The following EPHA6 variants were observed in gnomAD, a reference collection of about 807,000 sequenced individuals.
EPHA6 encodes EPH receptor A6, also known as ephrin type-A receptor 6.
In EPHA6, 50 loss-of-function variants were observed where a neutral mutation model predicts 112.0. The observed-to-expected ratio is 0.45, with a 90% CI of 0.36 to 0.56. The LOEUF (loss-of-function observed/expected upper bound fraction) is 0.56. Among genes scored for constraint, EPHA6 ranks in the 20% least tolerant of loss-of-function variants. The probability of loss-of-function intolerance (pLI) is 0.00; values close to 1 mark genes in which losing one functional copy is unlikely to be tolerated. For synonymous variants in EPHA6, 529 were observed against 490.7 expected (o/e 1.08, Z -1.03); for missense variants, 1,280 against 1,417.4 (o/e 0.90, Z 1.56).
intron 5 of EPHA6, among the ~76,000 whole-genome samples, chr3:97,363,628 T>C (rs1270515419): frequency 6.6e-6 from 1 of 152,094 alleles, no homozygotes; most frequent in Non-Finnish European, 1.5e-5. Flanking sequence ...ATAATTACCA[T>C]ATTATCTAGT....
At chr3:97,001,706 G>C (rs2043670818) in intron 3 of EPHA6, among the ~76,000 whole-genome samples, 1 of 151,970 alleles carries the variant, frequency 6.6e-6, no homozygotes, top group Non-Finnish European at 1.5e-5. Context: ...GGGAACTGTA[G>C]AGTAGTGGTA....
intron 10 of EPHA6, among the ~76,000 whole-genome samples, chr3:97,511,317 C>T (rs2092361087): frequency 6.6e-6 from 1 of 152,122 alleles, no homozygotes; most frequent in South Asian, 2.1e-4. Context: ...GGTGTATGCA[C>T]CCAAGGGAAT....
At chr3:97,321,703 C>T (rs896337547) in intron 5 of EPHA6, among the ~76,000 whole-genome samples, 3 of 151,728 alleles carry the variant, frequency 2.0e-5, no homozygotes, top group Admixed American at 1.3e-4. Context: ...AAACCAGGGA[C>T]TTCTATTGAA....
chr3:97,228,541 A>G (rs1500706), intron 4 of EPHA6, among the ~76,000 whole-genome samples: 10,138 of 135,664 alleles, frequency 0.075, 711 homozygotes, highest in African/African-American at 0.25. Flanking sequence ...GTGTGTGTGT[A>G]TATATATATA....
intron 11 of EPHA6, among the ~76,000 whole-genome samples, chr3:97,535,945 T>C (rs1460278242): frequency 6.6e-6 from 1 of 152,136 alleles, no homozygotes; most frequent in African/African-American, 2.4e-5. Flanking sequence ...TATTTTAAAC[T>C]TAAAAGTTAA....
At chr3:96,816,259 T>C (rs2032776030) in intron 1 of EPHA6, among the ~76,000 whole-genome samples, 1 of 152,222 alleles carries the variant, frequency 6.6e-6, no homozygotes, top group Admixed American at 6.5e-5. Flanking sequence ...TTATTACAGT[T>C]ATTTTAAACT....
chr3:97,377,596 A>T (rs1482768870), intron 5 of EPHA6, among the ~76,000 whole-genome samples: 2 of 152,188 alleles, frequency 1.3e-5, no homozygotes, highest in Non-Finnish European at 2.9e-5. Flanking sequence ...CTTCCTAGAG[A>T]CTTGTTAAAT....
intron 2 of EPHA6, among the ~76,000 whole-genome samples, chr3:96,905,856 C>T (rs2038905582): frequency 6.6e-6 from 1 of 152,066 alleles, no homozygotes; most frequent in African/African-American, 2.4e-5. Context: ...AGATTACCTA[C>T]ACTTTGCAGA....
chr3:97,310,555 C>CAA (rs34719068), intron 5 of EPHA6, among the ~76,000 whole-genome samples: 3 of 144,816 alleles, frequency 2.1e-5, no homozygotes, highest in Non-Finnish European at 4.6e-5. Context: ...TGATTATAGG[C>CAA]AAAAAAAAAA....
chr3:97,714,601 G>A (rs189922260), intron 14 of EPHA6, among the ~76,000 whole-genome samples: 1 of 152,338 alleles, frequency 6.6e-6, no homozygotes, highest in Non-Finnish European at 1.5e-5. Context: ...AAACTAGGAA[G>A]TGATGCACGA....
At chr3:97,050,705 T>C (rs2045658352) in intron 3 of EPHA6, among the ~76,000 whole-genome samples, 1 of 152,190 alleles carries the variant, frequency 6.6e-6, no homozygotes. Flanking sequence ...AGCACAAAGA[T>C]TGCTTGTGAT....
chr3:97,395,602 A>C (rs1399317475), intron 5 of EPHA6, among the ~76,000 whole-genome samples: 1 of 151,716 alleles, frequency 6.6e-6, no homozygotes, highest in African/African-American at 2.4e-5. Flanking sequence ...ATAGTCTTAA[A>C]ATTTTGTTCT....
intron 10 of EPHA6, among the ~76,000 whole-genome samples, chr3:97,523,472 GCACTTGAGA>G (rs1476094302): frequency 7.9e-5 from 12 of 152,022 alleles, no homozygotes; most frequent in Non-Finnish European, 4.4e-5. Context: ...TGTTCTGTGT[GCACTTGAGA>G]AAAATGTGTA....
At chr3:97,461,045 A>G (rs997967059) in intron 7 of EPHA6, among the ~76,000 whole-genome samples, 1 of 152,162 alleles carries the variant, frequency 6.6e-6, no homozygotes, top group African/African-American at 2.4e-5. Flanking sequence ...ATCTGACACA[A>G]GTAACACGTG....
intron 2 of EPHA6, among the ~76,000 whole-genome samples, chr3:96,877,892 G>C (rs967084646): frequency 1.3e-5 from 2 of 148,320 alleles, no homozygotes; most frequent in African/African-American, 2.5e-5. Flanking sequence ...GGATTTGCGT[G>C]TGTATATAGT....
chr3:96,940,248 A>G (rs2040858227), intron 2 of EPHA6, among the ~76,000 whole-genome samples: 1 of 152,202 alleles, frequency 6.6e-6, no homozygotes, highest in Admixed American at 6.5e-5. Flanking sequence ...GTATCTTTGT[A>G]GATCTCAAAG....
chr3:96,887,516 C>A (rs950537646), intron 2 of EPHA6, among the ~76,000 whole-genome samples: 16 of 152,090 alleles, frequency 1.1e-4, no homozygotes, highest in African/African-American at 3.9e-4. Flanking sequence ...CAACAGGACT[C>A]CTTGAAGGTT....
At chr3:97,329,900 T>C (rs1323767527) in intron 5 of EPHA6, among the ~76,000 whole-genome samples, 1 of 152,134 alleles carries the variant, frequency 6.6e-6, no homozygotes, top group Non-Finnish European at 1.5e-5. Context: ...CCCATGCCTA[T>C]GTCCTGAATG....
intron 14 of EPHA6, among the ~76,000 whole-genome samples, chr3:97,705,993 T>C (rs374969902): frequency 6.6e-6 from 1 of 152,194 alleles, no homozygotes; most frequent in Non-Finnish European, 1.5e-5. Flanking sequence ...ATGATATACT[T>C]AAACCTGAGC....
Sources: gnomAD v4.1 joint callset for allele counts (sites outside exome capture counted in the v4.1 genomes callset) on GRCh38, gnomAD v4.1.1 for gene constraint, MANE v1.5 for transcripts, NCBI Gene and HGNC (gene_info 2026-07-23, HGNC 2026-07-21) for gene names.